The following AGMO variants were observed in gnomAD, a reference collection of about 807,000 sequenced individuals.
The protein encoded by AGMO is alkylglycerol monooxygenase.
AGMO carries 75 observed loss-of-function variants against 60.2 expected under a neutral mutation model. That is an observed-to-expected ratio of 1.25 (90% CI 1.03 to 1.51). The LOEUF (loss-of-function observed/expected upper bound fraction) is 1.51, where lower values mean the gene tolerates loss of function less well. AGMO is among the 40% of genes most tolerant of loss of function. The probability of loss-of-function intolerance (pLI) is 0.00; values close to 1 mark genes in which losing one functional copy is unlikely to be tolerated. For synonymous variants in AGMO, 261 were observed against 177.1 expected (o/e 1.47, Z -3.76); for missense variants, 763 against 525.5 (o/e 1.45, Z -4.42).
chr7:15,498,802 C>T (rs918182428), intron 3 of AGMO, among the ~76,000 whole-genome samples: 2 of 151,870 alleles, frequency 1.3e-5, no homozygotes, highest in Admixed American at 1.3e-4. Flanking sequence ...AAATGAGAAA[C>T]AGTGAGAAAC....
intron 12 of AGMO, among the ~76,000 whole-genome samples, chr7:15,254,667 C>T (rs1335522200): frequency 6.7e-6 from 1 of 148,242 alleles, no homozygotes; most frequent in Non-Finnish European, 1.5e-5. Context: ...CAAAAATAAC[C>T]AAAATACGAA....
chr7:15,367,013 A>C (rs1783010213), intron 10 of AGMO, among the ~76,000 whole-genome samples: 1 of 152,048 alleles, frequency 6.6e-6, no homozygotes, highest in Non-Finnish European at 1.5e-5. Context: ...ATTTAAGTAC[A>C]TGTACGGCAG....
At chr7:15,221,999 TC>T (rs1464615213) in intron 12 of AGMO, among the ~76,000 whole-genome samples, 1 of 152,152 alleles carries the variant, frequency 6.6e-6, no homozygotes, top group Admixed American at 6.6e-5. Context: ...TACATAATTT[TC>T]TTATGATTAG....
chr7:15,220,377 T>A (rs1028576709), intron 12 of AGMO, among the ~76,000 whole-genome samples: 1 of 150,042 alleles, frequency 6.7e-6, no homozygotes, highest in Non-Finnish European at 1.5e-5. Context: ...CCGCCTATCA[T>A]TCCTGGCTAA....
chr7:15,330,975 A>G (rs1240613592), intron 12 of AGMO, among the ~76,000 whole-genome samples: 1 of 152,168 alleles, frequency 6.6e-6, no homozygotes. Context: ...CTTGTGTGAC[A>G]TCTAAAGTTA....
intron 12 of AGMO, among the ~76,000 whole-genome samples, chr7:15,244,245 T>C (rs1336806250): frequency 6.6e-6 from 1 of 152,224 alleles, no homozygotes; most frequent in Non-Finnish European, 1.5e-5. Context: ...TCTACCTTTG[T>C]CCACTTGATT....
At chr7:15,256,556 A>G (rs1023297706) in intron 12 of AGMO, among the ~76,000 whole-genome samples, 7 of 151,926 alleles carry the variant, frequency 4.6e-5, no homozygotes, top group African/African-American at 1.7e-4. Flanking sequence ...GTAGAGACGG[A>G]GTTTCACATA....
intron 12 of AGMO, among the ~76,000 whole-genome samples, chr7:15,275,058 A>G (rs191228945): frequency 6.6e-6 from 1 of 151,510 alleles, no homozygotes; most frequent in Non-Finnish European, 1.5e-5. Context: ...GTTCTGCTCT[A>G]ATGTTTGTTA....
At chr7:15,211,994 A>G (rs1198696834) in intron 12 of AGMO, among the ~76,000 whole-genome samples, 1 of 151,954 alleles carries the variant, frequency 6.6e-6, no homozygotes, top group Admixed American at 6.6e-5. Flanking sequence ...GAAAGGGCCA[A>G]ACTTGAAGGA....
the AGMO span, among the ~76,000 whole-genome samples, chr7:15,119,288 T>G: frequency 6.6e-6 from 1 of 151,962 alleles, no homozygotes; most frequent in South Asian, 2.1e-4. Context: ...TCCTGAGGCC[T>G]CCCCAGAAGT....
intron 5 of AGMO, among the ~76,000 whole-genome samples, chr7:15,417,586 G>A (rs1780809204): frequency 5.9e-5 from 9 of 152,138 alleles, no homozygotes; most frequent in Admixed American, 5.9e-4. Context: ...GATGGTTGTG[G>A]TATTGAGTGT....
chr7:15,456,488 A>C (rs1782002197), intron 3 of AGMO, among the ~76,000 whole-genome samples: 1 of 152,084 alleles, frequency 6.6e-6, no homozygotes, highest in Non-Finnish European at 1.5e-5. Context: ...AGATTTATTA[A>C]GTTTTCCTAT....
At chr7:15,483,914 C>T (rs1438245171) in intron 3 of AGMO, among the ~76,000 whole-genome samples, 1 of 152,066 alleles carries the variant, frequency 6.6e-6, no homozygotes, top group African/African-American at 2.4e-5. Context: ...ACCTAATATC[C>T]ATACTTATTA....
chr7:15,498,786 G>A (rs1025846279), intron 3 of AGMO, among the ~76,000 whole-genome samples: 1 of 151,844 alleles, frequency 6.6e-6, no homozygotes, highest in African/African-American at 2.4e-5. Flanking sequence ...TGTGTTTTCA[G>A]AACATAAATG....
intron 2 of AGMO, among the ~76,000 whole-genome samples, chr7:15,551,698 G>T (rs1284342175): frequency 6.6e-6 from 1 of 151,104 alleles, no homozygotes; most frequent in Non-Finnish European, 1.5e-5. Context: ...AACATTCCAT[G>T]CTCATGGGTA....
At chr7:15,173,027 T>C in the AGMO span, among the ~76,000 whole-genome samples, 40 of 152,242 alleles carry the variant, frequency 2.6e-4, no homozygotes. Context: ...TATTTCTTTA[T>C]AGCTTCTTTT....
chr7:15,266,044 C>T (rs187895786), intron 12 of AGMO, among the ~76,000 whole-genome samples: 4 of 152,010 alleles, frequency 2.6e-5, no homozygotes, highest in South Asian at 2.1e-4. Context: ...AAGACAAATT[C>T]GATATAATTG....
chr7:15,388,797 C>A (rs6461171), intron 8 of AGMO, among the ~76,000 whole-genome samples: 15 of 152,010 alleles, frequency 9.9e-5, no homozygotes, highest in African/African-American at 2.9e-4. Flanking sequence ...GAATATTTTT[C>A]TAAGTTCAAG....
At chr7:15,330,593 G>T (rs1563091236) in intron 12 of AGMO, among the ~76,000 whole-genome samples, 1 of 151,934 alleles carries the variant, frequency 6.6e-6, no homozygotes, top group Non-Finnish European at 1.5e-5. Flanking sequence ...TGAGCGATTT[G>T]AGTATCTACA....
Sources: allele counts gnomAD v4.1 joint callset (sites outside exome capture counted in the v4.1 genomes callset), GRCh38; gene constraint gnomAD v4.1.1; transcripts MANE v1.5; gene names NCBI Gene and HGNC (gene_info 2026-07-23, HGNC 2026-07-21).